Variants in MDN1 observed in about 807,000 individuals in gnomAD.
MDN1 encodes midasin.
A neutral mutation model predicts 669.2 loss-of-function variants in MDN1; 266 were observed. That is an observed-to-expected ratio of 0.40 (90% confidence interval 0.36 to 0.44). MDN1 has a LOEUF of 0.44. Ranked by LOEUF, MDN1 falls within the 20% of genes least tolerant of loss-of-function variation. The pLI, the probability that MDN1 is intolerant of heterozygous loss-of-function variation, is 1.00. For synonymous variants in MDN1, 2,385 were observed against 2,457.1 expected (o/e 0.97, Z 0.87); for missense variants, 5,940 against 6,754.0 (o/e 0.88, Z 4.22).
Position 89,803,545 on chromosome 6 carries a change from G to T in MDN1, c.112C>A (p.Pro38Thr). The change falls in exon 2 of 102, where the codon CCT becomes ACT. Residue 38 changes from proline to threonine, a missense_variant. Around this residue, in one of 5 missense-constraint regions of MDN1, gnomAD observed 1,203 missense variants for 1,268.9 expected, o/e 0.95. Coordinates refer to ENST00000369393, the MANE Select transcript of MDN1 (RefSeq NM_014611.3). ...CTCAGGACACACTGGCGATCTTGAG[G>T]TGTCCACACCTGAGAAAGGCAAAAC... Reference protein sequence around the residue: ...GRFLAKQVWTPQDRQCVLSTL... With the variant: ...GRFLAKQVWTTQDRQCVLSTL... 1 of 1,611,534 alleles carries T rather than the reference G, an allele frequency of 6.2e-7. No homozygotes were observed.
At position 89,754,210 on chromosome 6, in the gene MDN1, T is replaced by C; in HGVS notation, c.2837A>G (p.Lys946Arg). 6.2e-7 allele frequency: 1 copy of C among 1,613,976 alleles called. No homozygotes were observed. The change falls in exon 21 of 102, where the codon AAA becomes AGA. Residue 946 changes from lysine to arginine, a missense_variant. Around this residue, in one of 5 missense-constraint regions of MDN1, gnomAD observed 1,203 missense variants for 1,268.9 expected, o/e 0.95. Coordinates refer to ENST00000369393, the MANE Select transcript of MDN1 (RefSeq NM_014611.3). ...ATCCACCAGTTTGGTCCCAGACTCT[T>C]TCCGCAAAGCTGTGTAGAAGCTACA... is the stretch of plus-strand genomic sequence containing the variant. Reference protein sequence around the residue: ...GIINFYTALRKESGTKLVDGT... With the variant: ...GIINFYTALRRESGTKLVDGT...
At chr6:89,796,494 T>C (rs1383419772) in intron 2 of MDN1, among the ~76,000 whole-genome samples, 1 of 152,114 alleles carries the variant, frequency 6.6e-6, no homozygotes, top group Non-Finnish European at 1.5e-5. Context: ...AAAAGCTAGA[T>C]GATTACACTA....
rs866686697 is a variant in MDN1, at chr6:89,808,542, C to T, written c.103-4988G>A. On this transcript the variant is annotated intron_variant, in intron 1 of 101. Coordinates refer to ENST00000369393, the MANE Select transcript of MDN1 (RefSeq NM_014611.3). ...CAGTAGTTATTCTTTGCATAGCTCA[C>T]GAAATTTCCCTAAGAAGACACAGCT... Among the ~76,000 whole-genome samples, 10 of 152,240 alleles carry T rather than the reference C, an allele frequency of 6.6e-5. No individual in the cohort carries two copies. In the South Asian group the frequency reaches 8.3e-4, roughly 13 times the overall value.
At chr6:89,783,030 T>C (rs776133367) in intron 9 of MDN1, among the ~76,000 whole-genome samples, 6 of 152,134 alleles carry the variant, frequency 3.9e-5, no homozygotes, top group Non-Finnish European at 8.8e-5. Flanking sequence ...AAATTGATCA[T>C]AAAACATGTG....
intron 25 of MDN1, 57 bp downstream of exon 25, chr6:89,749,486 A>G: frequency 6.3e-7 from 1 of 1,597,210 alleles, no homozygotes; most frequent in Non-Finnish European, 8.6e-7. Flanking sequence ...TCTTACTACG[A>G]AAAATCTACT....
intron 2 of MDN1, among the ~76,000 whole-genome samples, chr6:89,796,329 A>AC (rs1554199785): frequency 1.0e-5 from 1 of 99,028 alleles, no homozygotes; most frequent in Non-Finnish European, 2.5e-5. Context: ...TGTCTCAAAA[A>AC]AAAAAAAAAA....
Position 89,803,569 on chromosome 6 carries a change from A to G in MDN1, c.103-15T>C. On this transcript the variant is annotated splice_polypyrimidine_tract_variant and intron_variant, in intron 1 of 101. Transcript: ENST00000369393. ...GGTGTCCACACCTGAGAAAGGCAAA[A>G]CAAAACATCTTTCACTTTTTTTTTT... is the stretch of plus-strand genomic sequence containing the variant. 1 of 1,574,798 alleles carries G rather than the reference A, an allele frequency of 6.4e-7. No individual in the cohort carries two copies. Among genetic ancestry groups the G allele is most frequent in the Non-Finnish European group, 8.7e-7 (1 of 1,151,098 alleles).
intron 29 of MDN1, among the ~76,000 whole-genome samples, chr6:89,744,215 C>G (rs1338025240): frequency 6.6e-6 from 1 of 150,496 alleles, no homozygotes. Flanking sequence ...CTTCTCTACA[C>G]ACGTATAGAA....
chr6:89,735,354 A>G (rs1815897144), intron 33 of MDN1, among the ~76,000 whole-genome samples: 1 of 148,332 alleles, frequency 6.7e-6, no homozygotes, highest in African/African-American at 2.5e-5. Context: ...TTTTAAACAC[A>G]TCAATATCAC....
chr6:89,776,766 C>T, intron 11 of MDN1, 71 bp from the exon 12 acceptor site: 2 of 1,135,646 alleles, frequency 1.8e-6, no homozygotes, highest in East Asian at 5.2e-5. Context: ...CATCATTTTC[C>T]TGGCCACAAG....
At chr6:89,798,452 A>C (rs1819731836) in intron 2 of MDN1, among the ~76,000 whole-genome samples, 1 of 152,086 alleles carries the variant, frequency 6.6e-6, no homozygotes, top group Non-Finnish European at 1.5e-5. Flanking sequence ...CGGTGAGCCA[A>C]GATTGCACCA....
intron 1 of MDN1, among the ~76,000 whole-genome samples, chr6:89,818,660 A>T (rs1347772357): frequency 1.3e-5 from 2 of 151,066 alleles, no homozygotes; most frequent in African/African-American, 4.9e-5. Flanking sequence ...AAATACAAAA[A>T]GTAGCTAGGC....
rs1426580456 is a variant in MDN1, at chr6:89,774,695, C to A, written c.1860G>T (p.Val620=). ...FFCQLYKPEI[V]INELDLQVGR... ...CCACTTGCAAATCTAGCTCATTGATCACAATTTCTGGTTTATAAAGTTGAC... is the reference window on the plus strand; with the variant it reads ...CCACTTGCAAATCTAGCTCATTGATAACAATTTCTGGTTTATAAAGTTGAC... Residue 620 remains valine, a synonymous_variant, in exon 13 of 102, where the codon GTG becomes GTT. Transcript: ENST00000369393. 5 of 1,613,446 alleles carry A rather than the reference C, an allele frequency of 3.1e-6. 1 individual carries two copies. In the Admixed American group the frequency reaches 8.3e-5, roughly 27 times the overall value.
chr6:89,733,735 A>G (rs1815751206), intron 33 of MDN1, among the ~76,000 whole-genome samples: 1 of 115,470 alleles, frequency 8.7e-6, no homozygotes, highest in Non-Finnish European at 2.0e-5. Flanking sequence ...ACAACTAGAT[A>G]GTAAATACTA....
In MDN1 at chr6:89,686,908, GTTC is replaced by G. The variant is rs750952383; in HGVS notation, c.11563_11565del (p.Glu3855del). 1.7e-5 allele frequency: 28 copies of G among 1,613,642 alleles called. No homozygotes were observed. The Admixed American group carries it at 4.2e-4, about 24-fold the overall frequency. Reference sequence around the variant, plus strand: ...ATGTACTGCTAGGCATTACCTTCCTGTTCTTCTGTTTGTTCCTGCATGTGCTTC... The same window carrying G: ...ATGTACTGCTAGGCATTACCTTCCTGTTCTGTTTGTTCCTGCATGTGCTTC... On this transcript the variant is annotated inframe_deletion, in exon 69 of 102. Transcript: ENST00000369393.
intron 8 of MDN1, among the ~76,000 whole-genome samples, chr6:89,787,132 G>A (rs901382176): frequency 4.0e-5 from 6 of 151,758 alleles, no homozygotes; most frequent in African/African-American, 1.2e-4. Context: ...ATACTATCGG[G>A]TTAGCTCCAC....
At chr6:89,763,908 A>G (rs914936490) in intron 15 of MDN1, among the ~76,000 whole-genome samples, 7 of 152,194 alleles carry the variant, frequency 4.6e-5, no homozygotes, top group Non-Finnish European at 7.3e-5. Flanking sequence ...TCTTTAGTCC[A>G]TTTATTAAAC....
intron 2 of MDN1, among the ~76,000 whole-genome samples, chr6:89,799,173 G>C (rs891900826): frequency 1.3e-5 from 2 of 152,114 alleles, no homozygotes; most frequent in Non-Finnish European, 2.9e-5. Context: ...CTTACACATG[G>C]ACCATGTCTT....
intron 90 of MDN1, among the ~76,000 whole-genome samples, chr6:89,657,139 T>G (rs1235873697): frequency 2.0e-5 from 3 of 152,344 alleles, no homozygotes; most frequent in Non-Finnish European, 4.4e-5. Context: ...CTTGAGGTTG[T>G]CATTTAACTT....
Sources: gnomAD v4.1 joint callset for allele counts (sites outside exome capture counted in the v4.1 genomes callset) on GRCh38, gnomAD v4.1.1 for gene constraint, gnomAD v4.1.1 regional missense constraint, MANE v1.5 for transcripts, NCBI Gene and HGNC (gene_info 2026-07-23, HGNC 2026-07-21) for gene names.